The following LRRC7 variants were observed in gnomAD, a reference collection of about 807,000 sequenced individuals.
LRRC7 encodes leucine rich repeat containing 7.
LRRC7 carries 23 observed loss-of-function variants against 175.7 expected under a neutral mutation model. The ratio of observed to expected loss-of-function variants is 0.13; its 90% CI spans 0.09 to 0.19. The LOEUF (loss-of-function observed/expected upper bound fraction) is 0.19. LRRC7 is among the 10% of genes least tolerant of loss of function. The pLI is 1.00. For missense variants in LRRC7, 1,354 were observed against 1,904.7 expected, an observed-to-expected ratio of 0.71 and a Z score of 5.38; for synonymous variants, 685 against 680.9, an observed-to-expected ratio of 1.01 and a Z score of -0.09.
intron 7 of LRRC7, chr1:69,874,866 A>C (rs954899337): frequency 6.6e-6 from 1 of 152,086 alleles, no homozygotes; most frequent in Non-Finnish European, 1.5e-5. Context: ...AAGTCTGCTT[A>C]CTGTGTTTGT....
intron 7 of LRRC7, among the ~76,000 whole-genome samples, chr1:69,870,966 T>A (rs893992412): frequency 1.3e-5 from 2 of 152,136 alleles, no homozygotes; most frequent in African/African-American, 4.8e-5. Context: ...ATGCCAACAA[T>A]TATATGATGT....
chr1:69,827,333 T>C (rs908530041), intron 5 of LRRC7, among the ~76,000 whole-genome samples: 9 of 152,114 alleles, frequency 5.9e-5, no homozygotes, highest in African/African-American at 2.2e-4. Flanking sequence ...GATTAGAAAT[T>C]ACATCTTTGA....
At chr1:69,606,227 A>G (rs1647540396) in intron 1 of LRRC7, among the ~76,000 whole-genome samples, 1 of 152,104 alleles carries the variant, frequency 6.6e-6, no homozygotes, top group Non-Finnish European at 1.5e-5. Context: ...ATCACACTGA[A>G]CAGCATATCT....
intron 7 of LRRC7, among the ~76,000 whole-genome samples, chr1:69,921,470 A>C (rs535408233): frequency 4.6e-5 from 7 of 152,114 alleles, no homozygotes; most frequent in South Asian, 2.1e-4. Flanking sequence ...ATTCTAATAT[A>C]CTCTCACTCC....
chr1:69,597,855 A>T (rs907845578), intron 1 of LRRC7, among the ~76,000 whole-genome samples: 9 of 152,170 alleles, frequency 5.9e-5, no homozygotes, highest in Non-Finnish European at 8.8e-5. Context: ...CAGCAATATG[A>T]TAATTTTCTT....
chr1:70,013,995 A>C (rs2101957070), intron 13 of LRRC7: 1 of 152,156 alleles, frequency 6.6e-6, no homozygotes, highest in Non-Finnish European at 1.5e-5. Flanking sequence ...ACTAGTTAAT[A>C]ATATTCCCAC....
chr1:69,576,013 T>C (rs910774559), intron 1 of LRRC7, among the ~76,000 whole-genome samples: 2 of 151,994 alleles, frequency 1.3e-5, no homozygotes, highest in Admixed American at 6.6e-5. Context: ...GGGGTGATTG[T>C]TTGAGTTCAG....
chr1:69,955,716 G>A (rs1015712668), intron 8 of LRRC7, among the ~76,000 whole-genome samples: 6 of 152,000 alleles, frequency 3.9e-5, no homozygotes, highest in Non-Finnish European at 7.4e-5. Context: ...TAATATAAAC[G>A]AAAAATTTGT....
chr1:70,096,511 A>G (rs1307590924), intron 25 of LRRC7, among the ~76,000 whole-genome samples: 1 of 152,180 alleles, frequency 6.6e-6, no homozygotes, highest in Non-Finnish European at 1.5e-5. Context: ...GGAATTAAAC[A>G]TTAAAATGAT....
intron 5 of LRRC7, among the ~76,000 whole-genome samples, chr1:69,826,208 G>T (rs1344524166): frequency 2.0e-5 from 3 of 152,100 alleles, no homozygotes; most frequent in African/African-American, 7.2e-5. Flanking sequence ...ATTGACAAGT[G>T]CATAAAAATA....
intron 3 of LRRC7, among the ~76,000 whole-genome samples, chr1:69,777,614 C>G (rs1420418307): frequency 6.6e-6 from 1 of 152,144 alleles, no homozygotes; most frequent in African/African-American, 2.4e-5. Context: ...TATCTCCTGT[C>G]CTGTATTACC....
At position 70,039,043 on chromosome 1, in the gene LRRC7, T is replaced by A; in HGVS notation, c.3219T>A (p.Asn1073Lys). ...KKVYQFDQSFNPQGSVEVKAE... is the reference protein window; with the variant it reads ...KKVYQFDQSFKPQGSVEVKAE... ...TCTATCAGTTTGACCAAAGCTTCAATCCTCAAGGATCAGTGGAAGTGAAAG... is the reference window on the plus strand; with the variant it reads ...TCTATCAGTTTGACCAAAGCTTCAAACCTCAAGGATCAGTGGAAGTGAAAG... The change falls in exon 21 of 27, where the codon AAT (asparagine) becomes AAA (lysine). Residue 1073 changes from asparagine to lysine, a missense_variant. Physicochemically the swap from Asn to Lys is moderately conservative, Grantham distance 94. Transcript: ENST00000651989. The A allele has an allele frequency of 6.2e-7, 1 of 1,613,910 alleles. No individual in the cohort carries two copies. Among genetic ancestry groups the A allele is most frequent in the Non-Finnish European group, 8.5e-7 (1 of 1,179,982 alleles).
At chr1:70,021,295 G>C in intron 16 of LRRC7, 166 bp downstream of exon 16, 1 of 589,580 alleles carries the variant, frequency 1.7e-6, no homozygotes, top group Non-Finnish European at 2.9e-6. Flanking sequence ...GTGTGCTTCA[G>C]AATGAGACTA....
At chr1:69,571,380 T>G (rs1230156210) in intron 1 of LRRC7, among the ~76,000 whole-genome samples, 1 of 152,218 alleles carries the variant, frequency 6.6e-6, no homozygotes, top group Non-Finnish European at 1.5e-5. Flanking sequence ...TTTTTCTAAT[T>G]CCCTTATAAA....
intron 23 of LRRC7, among the ~76,000 whole-genome samples, chr1:70,059,823 T>C (rs1661439451): frequency 6.6e-6 from 1 of 152,116 alleles, no homozygotes; most frequent in Non-Finnish European, 1.5e-5. Context: ...ATCAAATTCC[T>C]ACTGGGATTT....
chr1:69,834,578 GAT>G (rs1423174150), intron 5 of LRRC7, among the ~76,000 whole-genome samples, 200 bp from the exon 6 acceptor site: 1 of 152,052 alleles, frequency 6.6e-6, no homozygotes, highest in African/African-American at 2.4e-5. Context: ...CATGGAAGTG[GAT>G]AAATGCTATT....
At chr1:69,858,001 G>T (rs1683898560) in intron 7 of LRRC7, among the ~76,000 whole-genome samples, 1 of 152,090 alleles carries the variant, frequency 6.6e-6, no homozygotes, top group African/African-American at 2.4e-5. Context: ...AGAAAAACAA[G>T]AAATGGGGAA....
At chr1:69,755,557 TATAC>T (rs1259140929) in intron 2 of LRRC7, among the ~76,000 whole-genome samples, 4 of 151,382 alleles carry the variant, frequency 2.6e-5, no homozygotes, top group African/African-American at 9.7e-5. Context: ...TGTGTACATA[TATAC>T]ATACATATAT....
intron 1 of LRRC7, among the ~76,000 whole-genome samples, chr1:69,571,170 G>C (rs1047398911): frequency 2.0e-5 from 3 of 152,292 alleles, no homozygotes; most frequent in African/African-American, 7.2e-5. Context: ...AAGAAAAAAT[G>C]TGTACTTACC....
Sources: gnomAD v4.1 joint callset for allele counts (sites outside exome capture counted in the v4.1 genomes callset) on GRCh38, gnomAD v4.1.1 for gene constraint, MANE v1.5 for transcripts, NCBI Gene and HGNC (gene_info 2026-07-23, HGNC 2026-07-21) for gene names.